The following LRFN2 variants were observed in gnomAD, a reference collection of about 807,000 sequenced individuals.
LRFN2 encodes leucine-rich repeat and fibronectin type-III domain-containing protein 2.
Under a neutral mutation model 37.3 loss-of-function variants are expected in LRFN2, and 18 were observed. The observed-to-expected ratio is 0.48, with a 90% CI of 0.33 to 0.72. The LOEUF (loss-of-function observed/expected upper bound fraction) is 0.72, where lower values mean the gene tolerates loss of function less well. LRFN2 is among the 30% of genes least tolerant of loss of function. LRFN2 has a pLI of 0.02. For missense variants in LRFN2, 1,006 were observed against 1,060.7 expected (o/e 0.95, Z 0.72); for synonymous variants, 556 against 466.6 (o/e 1.19, Z -2.47).
At chr6:40,569,491 GT>G (rs1767149078) in intron 1 of LRFN2, among the ~76,000 whole-genome samples, 1 of 152,170 alleles carries the variant, frequency 6.6e-6, no homozygotes, top group Non-Finnish European at 1.5e-5. Context: ...CCTTTCCATG[GT>G]CAGGACCATA....
intron 2 of LRFN2, among the ~76,000 whole-genome samples, chr6:40,405,715 G>A (rs1023977850): frequency 2.0e-5 from 3 of 152,098 alleles, no homozygotes; most frequent in African/African-American, 7.2e-5. Context: ...CAGCAGAATG[G>A]GTCCCCCCTC....
intron 2 of LRFN2, among the ~76,000 whole-genome samples, chr6:40,421,242 C>T (rs546007863): frequency 2.6e-5 from 4 of 152,312 alleles, no homozygotes; most frequent in African/African-American, 9.6e-5. Flanking sequence ...GAATTGTGAA[C>T]TCACAAAAGT....
chr6:40,411,229 G>T (rs1218233516), intron 2 of LRFN2, among the ~76,000 whole-genome samples: 1 of 152,240 alleles, frequency 6.6e-6, no homozygotes, highest in Non-Finnish European at 1.5e-5. Flanking sequence ...CTGGGTGGCA[G>T]ATGGGAGTGA....
chr6:40,432,264 ACTC>A lies in LRFN2; in HGVS notation c.847_849del (p.Glu283del). ...GTGATGAGAGGCGGCTCGCACACAAACTCCTCCTCACGCACATGCCAGAAGTAG... is the reference window on the plus strand; with the variant it reads ...GTGATGAGAGGCGGCTCGCACACAAACTCCTCACGCACATGCCAGAAGTAG... On this transcript the variant is annotated inframe_deletion, in exon 2 of 3. Transcript: ENST00000338305. 6.2e-7 allele frequency: 1 copy of A among 1,613,546 alleles called. No individual in the cohort carries two copies. The highest frequency in any genetic ancestry group is 8.5e-7 in the Non-Finnish European group (1 of 1,179,918).
At chr6:40,474,049 T>G (rs192575094) in intron 1 of LRFN2, among the ~76,000 whole-genome samples, 16 of 152,126 alleles carry the variant, frequency 1.1e-4, no homozygotes, top group African/African-American at 3.6e-4. Flanking sequence ...GGGTCGTTGT[T>G]TTTTTAGATG....
chr6:40,459,871 T>A (rs1462986073), intron 1 of LRFN2, among the ~76,000 whole-genome samples: 1 of 152,080 alleles, frequency 6.6e-6, no homozygotes, highest in Non-Finnish European at 1.5e-5. Flanking sequence ...ATCAACTCTA[T>A]GAGTCGGGCA....
intron 1 of LRFN2, among the ~76,000 whole-genome samples, chr6:40,557,062 T>A (rs1766904335): frequency 6.6e-6 from 1 of 152,128 alleles, no homozygotes; most frequent in Admixed American, 6.5e-5. Flanking sequence ...CCCATCCCCA[T>A]CTGTGTGCCT....
chr6:40,480,160 G>A (rs57247502), intron 1 of LRFN2, among the ~76,000 whole-genome samples: 22,861 of 152,186 alleles, frequency 0.15, 3,027 homozygotes, highest in African/African-American at 0.36. Flanking sequence ...TATTATCCCT[G>A]TTTCTCAGAT....
chr6:40,552,436 C>G (rs1386043641), intron 1 of LRFN2, among the ~76,000 whole-genome samples: 1 of 152,226 alleles, frequency 6.6e-6, no homozygotes, highest in Non-Finnish European at 1.5e-5. Context: ...TAGCAAAGCT[C>G]TCTATGTTAA....
At chr6:40,398,896 T>A (rs1470361263) in intron 2 of LRFN2, among the ~76,000 whole-genome samples, 3 of 151,900 alleles carry the variant, frequency 2.0e-5, no homozygotes, top group Non-Finnish European at 4.4e-5. Context: ...GTCTATGAAA[T>A]CACAGGCACA....
chr6:40,543,044 A>G (rs1331109790), intron 1 of LRFN2, among the ~76,000 whole-genome samples: 1 of 152,248 alleles, frequency 6.6e-6, no homozygotes, highest in Admixed American at 6.5e-5. Context: ...CAAACCATTA[A>G]AGTGACTGGG....
chr6:40,551,943 A>C (rs1224896664), intron 1 of LRFN2, among the ~76,000 whole-genome samples: 2 of 152,188 alleles, frequency 1.3e-5, no homozygotes, highest in Non-Finnish European at 2.9e-5. Flanking sequence ...TGTTGAGGAA[A>C]CTGAAGCCCA....
At chr6:40,500,672 C>A (rs1288906693) in intron 1 of LRFN2, among the ~76,000 whole-genome samples, 4 of 152,104 alleles carry the variant, frequency 2.6e-5, no homozygotes, top group African/African-American at 9.7e-5. Context: ...GTGAGTAAAC[C>A]AGAGTAATCC....
chr6:40,541,942 T>A (rs572137452), intron 1 of LRFN2, among the ~76,000 whole-genome samples: 1 of 152,236 alleles, frequency 6.6e-6, no homozygotes, highest in African/African-American at 2.4e-5. Flanking sequence ...ATGCAGAGTG[T>A]CAGGCAGGCA....
intron 1 of LRFN2, among the ~76,000 whole-genome samples, chr6:40,524,442 C>T (rs1175767318): frequency 2.0e-5 from 3 of 150,166 alleles, no homozygotes; most frequent in Admixed American, 6.6e-5. Context: ...CACACACACT[C>T]TCTCACTCAC....
intron 2 of LRFN2, among the ~76,000 whole-genome samples, chr6:40,397,655 G>A (rs190333412): frequency 1.8e-4 from 28 of 152,230 alleles, no homozygotes; most frequent in African/African-American, 5.8e-4. Context: ...AGAATCAGCC[G>A]GGCCCTGAAT....
chr6:40,439,983 C>G (rs1244750176), intron 1 of LRFN2, among the ~76,000 whole-genome samples: 4 of 151,960 alleles, frequency 2.6e-5, no homozygotes, highest in Non-Finnish European at 4.4e-5. Context: ...AGCTTAGTGG[C>G]TGCAGAAAGA....
intron 1 of LRFN2, among the ~76,000 whole-genome samples, chr6:40,492,280 G>A (rs905719065): frequency 6.6e-6 from 1 of 152,164 alleles, no homozygotes; most frequent in South Asian, 2.1e-4. Flanking sequence ...TGAAGGGCGG[G>A]AAGGTGCAGT....
In LRFN2 at chr6:40,392,092, C is replaced by T. The variant is rs755101920; in HGVS notation, c.2221G>A (p.Gly741Ser). 6 of 1,613,884 alleles carry T rather than the reference C, an allele frequency of 3.7e-6. No homozygotes were observed. The highest frequency in any genetic ancestry group is 1.3e-5 in the African/African-American group (1 of 75,072). Reference protein sequence around the residue: ...AAAAGGVVPGGYSPPRKVSNI... With the variant: ...AAAAGGVVPGSYSPPRKVSNI... ...GAGACCTTCCGAGGAGGACTGTAGC[C>T]GCCCGGCACGACCCCTCCCGCCGCC... The change falls in exon 3 of 3, where the codon GGC becomes AGC. Residue 741 changes from glycine to serine, a missense_variant. By Grantham distance (56) the Gly-to-Ser change is moderately conservative. Transcript: ENST00000338305. This position sits in a 1 kb window ranked among gnomAD's most constrained non-coding sequence, Gnocchi z 4.7.
Sources: allele counts gnomAD v4.1 joint callset (sites outside exome capture counted in the v4.1 genomes callset), GRCh38; gene constraint gnomAD v4.1.1; non-coding constraint Gnocchi (gnomAD v3.1); transcripts MANE v1.5; gene names NCBI Gene and HGNC (gene_info 2026-07-23, HGNC 2026-07-21).